The following SLC39A8 variants were observed in gnomAD, a reference collection of about 807,000 sequenced individuals.
SLC39A8 encodes metal cation symporter ZIP8.
A neutral mutation model predicts 40.4 loss-of-function variants in SLC39A8; 15 were observed. That is an observed-to-expected ratio of 0.37 (90% CI 0.25 to 0.57). SLC39A8 has a LOEUF of 0.57. Among genes scored for constraint, SLC39A8 ranks in the 20% least tolerant of loss-of-function variants. The pLI is 0.75. For synonymous variants in SLC39A8, 223 were observed against 221.6 expected (o/e 1.01, Z -0.06); for missense variants, 472 against 558.8 (o/e 0.84, Z 1.57).
chr4:102,328,022 AG>A (rs1413248863), intron 2 of SLC39A8, among the ~76,000 whole-genome samples: 1 of 152,252 alleles, frequency 6.6e-6, no homozygotes, highest in African/African-American at 2.4e-5. Context: ...TGGGCTACAG[AG>A]AAAATCCCAG....
intron 6 of SLC39A8, among the ~76,000 whole-genome samples, chr4:102,292,086 A>G (rs1733472179): frequency 6.6e-6 from 1 of 151,992 alleles, no homozygotes; most frequent in South Asian, 2.1e-4. Context: ...ACAGAGTTAT[A>G]CTTAGAAAGG....
intron 8 of SLC39A8, among the ~76,000 whole-genome samples, chr4:102,267,261 C>T (rs1343715113): frequency 1.9e-5 from 2 of 105,638 alleles, no homozygotes; most frequent in Non-Finnish European, 4.5e-5. Flanking sequence ...ATCATTTCAC[C>T]TTCAAACAAT....
At chr4:102,329,319 T>C (rs1024886910) in intron 2 of SLC39A8, among the ~76,000 whole-genome samples, 1 of 152,132 alleles carries the variant, frequency 6.6e-6, no homozygotes, top group Admixed American at 6.6e-5. Context: ...ATGCTCAGAT[T>C]TGCATATTAA....
At chr4:102,254,037 C>A (rs1260225833) in intron 11 of SLC39A8, among the ~76,000 whole-genome samples, 1 of 152,134 alleles carries the variant, frequency 6.6e-6, no homozygotes, top group Non-Finnish European at 1.5e-5. Flanking sequence ...CAGGAAAAGG[C>A]TCTTGGTTCC....
At chr4:102,302,336 T>A (rs1733956667) in intron 6 of SLC39A8, among the ~76,000 whole-genome samples, 1 of 151,986 alleles carries the variant, frequency 6.6e-6, no homozygotes, top group South Asian at 2.1e-4. Flanking sequence ...GACTGGCACC[T>A]CTTGAATGAC....
At chr4:102,291,817 A>C (rs564261369) in intron 6 of SLC39A8, among the ~76,000 whole-genome samples, 2 of 152,126 alleles carry the variant, frequency 1.3e-5, no homozygotes, top group South Asian at 4.2e-4. Context: ...TCAACAGACA[A>C]ATGGACAAAG....
intron 3 of SLC39A8, among the ~76,000 whole-genome samples, chr4:102,312,603 G>A (rs1734480692): frequency 6.6e-6 from 1 of 152,066 alleles, no homozygotes; most frequent in East Asian, 1.9e-4. Flanking sequence ...TAAGTAACCT[G>A]CACAGAGTAG....
intron 3 of SLC39A8, among the ~76,000 whole-genome samples, chr4:102,313,154 T>C (rs750673040): frequency 4.6e-5 from 7 of 152,122 alleles, no homozygotes; most frequent in Admixed American, 2.0e-4. Context: ...TATATATAAA[T>C]ACAGAATATC....
At chr4:102,294,639 C>A (rs1733602320) in intron 6 of SLC39A8, among the ~76,000 whole-genome samples, 1 of 151,960 alleles carries the variant, frequency 6.6e-6, no homozygotes, top group South Asian at 2.1e-4. Flanking sequence ...TAGAGTTGAA[C>A]CCAATCTCTC....
At chr4:102,288,167 C>A (rs1733267010) in intron 6 of SLC39A8, among the ~76,000 whole-genome samples, 1 of 152,110 alleles carries the variant, frequency 6.6e-6, no homozygotes, top group Non-Finnish European at 1.5e-5. Flanking sequence ...AGCATGTGCT[C>A]ATTTCATGCC....
rs373007807 is a variant in SLC39A8 at position 102,344,202 on chromosome 4, A to ACATCT, written c.219+241_219+242insAGATG. Among the ~76,000 whole-genome samples, 300 of 152,132 alleles carry ACATCT rather than the reference A, an allele frequency of 2.0e-3. 2 individuals carry two copies. Among genetic ancestry groups the ACATCT allele is most frequent in the African/African-American group, 7.0e-3 (292 of 41,496 alleles). ...AAAATGTTAAAATCACCAGAGTCGG[A>ACATCT]CCTCTCAGTTCATCAGGCGTAAAAC... On this transcript the variant is annotated intron_variant, in intron 2 of 8. Coordinates refer to ENST00000356736, the MANE Select transcript of SLC39A8 (RefSeq NM_001135146.2).
rs751933113 is a variant in SLC39A8 at position 102,315,640 on chromosome 4, T to C, written c.382+28A>G. ...CACAATGGTTCATAGACTTTTCAAA[T>C]AAAAGAGAAAAAATGCTTCTAATAT... On this transcript the variant is annotated intron_variant, in intron 3 of 8. Coordinates refer to ENST00000356736, the MANE Select transcript of SLC39A8 (RefSeq NM_001135146.2). 7.0e-6 allele frequency: 11 copies of C among 1,569,210 alleles called. No individual in the cohort carries two copies. In the South Asian group the frequency reaches 1.3e-4, roughly 19 times the overall value.
chr4:102,342,357 G>A (rs938109263), intron 2 of SLC39A8, among the ~76,000 whole-genome samples: 2 of 152,118 alleles, frequency 1.3e-5, no homozygotes, highest in Admixed American at 6.5e-5. Context: ...AAATTAGCCC[G>A]GTGTGGTGGC....
intron 2 of SLC39A8, among the ~76,000 whole-genome samples, chr4:102,327,966 T>C (rs1735290200): frequency 6.6e-6 from 1 of 152,228 alleles, no homozygotes; most frequent in Admixed American, 6.5e-5. Context: ...ACAAATAAAC[T>C]AATCCTGATA....
At chr4:102,304,252 AAC>A (rs1734037712) in intron 6 of SLC39A8, 63 bp downstream of exon 6, 1 of 1,275,008 alleles carries the variant, frequency 7.8e-7, no homozygotes, top group African/African-American at 1.5e-5. Context: ...TAGCTGCATA[AAC>A]AGTCATGTTT....
intron 6 of SLC39A8, among the ~76,000 whole-genome samples, chr4:102,283,882 C>T (rs1447439949): frequency 6.6e-6 from 1 of 152,104 alleles, no homozygotes; most frequent in African/African-American, 2.4e-5. Flanking sequence ...TCCTAAAACC[C>T]ACTGAACTGT....
intron 1 of SLC39A8, chr4:102,345,138 C>T (rs553857622): frequency 5.1e-5 from 8 of 157,324 alleles, no homozygotes; most frequent in African/African-American, 1.9e-4. Context: ...TAAAACCACA[C>T]TAACTGTAGA....
At chr4:102,275,880 T>C (rs765775170) in intron 6 of SLC39A8, among the ~76,000 whole-genome samples, 2 of 152,194 alleles carry the variant, frequency 1.3e-5, no homozygotes, top group Non-Finnish European at 2.9e-5. Flanking sequence ...TGCTCCTGAA[T>C]GACTACTGGG....
At chr4:102,267,832 G>A (rs1732169998) in intron 7 of SLC39A8, 40 bp downstream of exon 7, 1 of 1,599,760 alleles carries the variant, frequency 6.3e-7, no homozygotes, top group Non-Finnish European at 8.5e-7. Context: ...CTGAAATCAA[G>A]AAGTAAGCAG....
Sources: allele counts gnomAD v4.1 joint callset (sites outside exome capture counted in the v4.1 genomes callset), GRCh38; gene constraint gnomAD v4.1.1; transcripts MANE v1.5; gene names NCBI Gene and HGNC (gene_info 2026-07-23, HGNC 2026-07-21).